The following CDK6 variants were observed in gnomAD, a reference collection of about 807,000 sequenced individuals.
CDK6 encodes cyclin-dependent kinase 6.
In CDK6, 6 loss-of-function variants were observed where a neutral mutation model predicts 37.1. The observed-to-expected ratio is 0.16, with a 90% CI of 0.09 to 0.32. The LOEUF is 0.32. Among genes scored for constraint, CDK6 ranks in the 10% least tolerant of loss-of-function variants. The pLI is 1.00. For missense variants in CDK6, 224 were observed against 418.9 expected, an observed-to-expected ratio of 0.53 and a Z score of 4.06; for synonymous variants, 160 against 161.3, an observed-to-expected ratio of 0.99 and a Z score of 0.06.
chr7:92,634,140 T>C (rs540950456), intron 5 of CDK6, among the ~76,000 whole-genome samples: 1 of 152,308 alleles, frequency 6.6e-6, no homozygotes, highest in Non-Finnish European at 1.5e-5. Context: ...CTTCCTATAG[T>C]TTCTTTATTC....
At chr7:92,765,718 G>C (rs1213444151) in intron 3 of CDK6, among the ~76,000 whole-genome samples, 1 of 152,136 alleles carries the variant, frequency 6.6e-6, no homozygotes, top group African/African-American at 2.4e-5. Context: ...CAATGGACTA[G>C]AGTCTTGACT....
At chr7:92,623,897 C>T (rs1372723057) in intron 5 of CDK6, among the ~76,000 whole-genome samples, 1 of 152,046 alleles carries the variant, frequency 6.6e-6, no homozygotes, top group East Asian at 1.9e-4. Flanking sequence ...GTAAACGTTC[C>T]CTGATTCCTT....
intron 4 of CDK6, among the ~76,000 whole-genome samples, chr7:92,701,503 T>C (rs908826078): frequency 3.3e-5 from 5 of 152,070 alleles, no homozygotes; most frequent in Admixed American, 6.5e-5. Context: ...CCTCCCGGGT[T>C]CAGGCCATTC....
intron 5 of CDK6, among the ~76,000 whole-genome samples, chr7:92,670,314 G>T (rs953322560): frequency 6.6e-6 from 1 of 152,184 alleles, no homozygotes; most frequent in Non-Finnish European, 1.5e-5. Flanking sequence ...AGCCACAGAT[G>T]AATTTGCTGA....
intron 2 of CDK6, among the ~76,000 whole-genome samples, chr7:92,775,322 A>G (rs561466583): frequency 6.6e-6 from 1 of 152,340 alleles, no homozygotes; most frequent in South Asian, 2.1e-4. Context: ...TGGAATATGG[A>G]GAAATTTAGT....
rs149526193 is a variant in CDK6 at position 92,818,920 on chromosome 7, TC to T, written c.233+14170del. ...TGACTAAAAATAAAAAGATTGACAG[TC>T]CCAAGTGTTCAGGAGGGTGCAAATC... On this transcript the variant is annotated intron_variant, in intron 2 of 7. Coordinates refer to ENST00000424848, the MANE Select transcript of CDK6 (RefSeq NM_001145306.2). Among the ~76,000 whole-genome samples, 814 of 152,090 alleles carry T rather than the reference TC, an allele frequency of 5.4e-3. 7 individuals are homozygous for T. Among genetic ancestry groups the T allele is most frequent in the African/African-American group, 0.018 (759 of 41,530 alleles).
intron 2 of CDK6, among the ~76,000 whole-genome samples, chr7:92,780,911 T>A (rs1349510278): frequency 6.6e-6 from 1 of 152,136 alleles, no homozygotes; most frequent in Non-Finnish European, 1.5e-5. Context: ...TTTTTAAAAA[T>A]TTTTGCTAAT....
At position 92,767,719 on chromosome 7, in the gene CDK6, A is replaced by G. The variant is rs551689563; in HGVS notation, c.369+6977T>C. Among the ~76,000 whole-genome samples, 6 of 152,252 alleles carry G rather than the reference A, an allele frequency of 3.9e-5. No individual in the cohort carries two copies. The South Asian group carries it at 1.2e-3, about 32-fold the overall frequency. ...TTGCTTAGCAGTATAGTCTTTAAAA[A>G]AAAACCCCAAATTTCAAAACTCTCA... On this transcript the variant is annotated intron_variant, in intron 3 of 7. Transcript: ENST00000424848.
chr7:92,672,242 C>CACACACACATAT (rs1374477819), intron 4 of CDK6, among the ~76,000 whole-genome samples: 6 of 116,596 alleles, frequency 5.1e-5, no homozygotes, highest in East Asian at 2.4e-4. Flanking sequence ...CACACACACA[C>CACACACACATAT]ATATATGAAG....
chr7:92,798,292 A>G (rs901475955), intron 2 of CDK6, among the ~76,000 whole-genome samples: 3 of 152,252 alleles, frequency 2.0e-5, no homozygotes, highest in African/African-American at 7.2e-5. Flanking sequence ...TAATTCAAAG[A>G]AAGATAATGG....
intron 4 of CDK6, among the ~76,000 whole-genome samples, chr7:92,693,846 G>T (rs531856921): frequency 7.9e-5 from 12 of 152,336 alleles, no homozygotes; most frequent in Middle Eastern, 3.4e-3. Context: ...ATTGTGAGAA[G>T]TTTATAGTGA....
At chr7:92,832,546 T>G (rs1380849874) in intron 2 of CDK6, among the ~76,000 whole-genome samples, 1 of 152,128 alleles carries the variant, frequency 6.6e-6, no homozygotes, top group Non-Finnish European at 1.5e-5. Flanking sequence ...CTACGCAACT[T>G]TAATAAAGAG....
intron 3 of CDK6, among the ~76,000 whole-genome samples, chr7:92,727,647 G>A (rs1309632042): frequency 6.6e-6 from 1 of 152,110 alleles, no homozygotes; most frequent in Non-Finnish European, 1.5e-5. Flanking sequence ...TACAAGGTCG[G>A]TGTGAACAAA....
intron 3 of CDK6, among the ~76,000 whole-genome samples, chr7:92,740,832 T>C (rs1201695609): frequency 2.0e-5 from 3 of 152,088 alleles, no homozygotes; most frequent in Non-Finnish European, 4.4e-5. Flanking sequence ...ACAAGGCCCA[T>C]ATCATCAGAA....
chr7:92,647,996 T>C (rs1230959841), intron 5 of CDK6, among the ~76,000 whole-genome samples: 1 of 152,226 alleles, frequency 6.6e-6, no homozygotes, highest in African/African-American at 2.4e-5. Context: ...TTAAACATGA[T>C]AATAGCTTCT....
rs903928328 is a variant in CDK6, at chr7:92,608,593, T to A, written c.*6547A>T. The A allele has an allele frequency of 8.6e-6, 2 of 232,186 alleles. No individual in the cohort carries two copies. Among genetic ancestry groups the A allele is most frequent in the Admixed American group, 1.1e-4 (2 of 17,748 alleles). The allele number at this position is 232,186 out of a possible 1,614,324, so 14.4% of individuals were successfully genotyped here. The stretch of plus-strand genomic sequence containing the variant: ...AAAACTGAGCTTAGCGCCTGAGAGA[T>A]GCGGGGTAGACAGCTTCACACAGGG... On this transcript the variant is annotated 3_prime_UTR_variant, in exon 8 of 8. Transcript: ENST00000424848.
intron 4 of CDK6, among the ~76,000 whole-genome samples, chr7:92,716,731 T>C (rs141142367): frequency 6.6e-6 from 1 of 152,324 alleles, no homozygotes; most frequent in East Asian, 1.9e-4. Context: ...TGCTTTATAT[T>C]CAATTCCAAG....
intron 4 of CDK6, among the ~76,000 whole-genome samples, chr7:92,715,140 T>C (rs1798196885): frequency 6.6e-6 from 1 of 152,134 alleles, no homozygotes; most frequent in South Asian, 2.1e-4. Context: ...TTTCAAAGCA[T>C]TGGTAACATT....
intron 4 of CDK6, among the ~76,000 whole-genome samples, chr7:92,684,192 C>A (rs1342058741): frequency 2.0e-5 from 3 of 152,122 alleles, no homozygotes; most frequent in African/African-American, 4.8e-5. Context: ...ATGGCAGAAC[C>A]AGGATCTGAA....
Sources: allele counts gnomAD v4.1 joint callset (sites outside exome capture counted in the v4.1 genomes callset), GRCh38; gene constraint gnomAD v4.1.1; transcripts MANE v1.5; gene names NCBI Gene and HGNC (gene_info 2026-07-23, HGNC 2026-07-21).